PRKCB: variants seen among roughly 807,000 people sequenced by gnomAD.
PRKCB encodes protein kinase C beta type.
A neutral mutation model predicts 81.5 loss-of-function variants in PRKCB; 13 were observed. The ratio of observed to expected loss-of-function variants is 0.16; its 90% CI spans 0.10 to 0.25. The LOEUF is 0.25. Among genes scored for constraint, PRKCB ranks in the 10% least tolerant of loss-of-function variants. The probability of loss-of-function intolerance (pLI) is 1.00; values close to 1 mark genes in which losing one functional copy is unlikely to be tolerated. For synonymous variants in PRKCB, 335 were observed against 321.4 expected (o/e 1.04, Z -0.45); for missense variants, 509 against 875.7 (o/e 0.58, Z 5.29).
At chr16:23,867,009 C>T in intron 2 of PRKCB, among the ~76,000 whole-genome samples, 1 of 76,842 alleles carries the variant, frequency 1.3e-5, no homozygotes, top group Non-Finnish European at 2.7e-5. Context: ...TCCTTCCTTC[C>T]TTCCTTCCTT....
chr16:24,074,851 G>A (rs1966158555), intron 5 of PRKCB, among the ~76,000 whole-genome samples: 1 of 152,162 alleles, frequency 6.6e-6, no homozygotes, highest in African/African-American at 2.4e-5. Flanking sequence ...GCTTGGCCTG[G>A]TGGCTCACAC....
intron 2 of PRKCB, among the ~76,000 whole-genome samples, chr16:23,948,966 A>T (rs1964239687): frequency 6.6e-6 from 1 of 152,136 alleles, no homozygotes; most frequent in Non-Finnish European, 1.5e-5. Flanking sequence ...TGAGATCTAC[A>T]CCTGGGCTGG....
chr16:23,906,422 G>A (rs141006924), intron 2 of PRKCB, among the ~76,000 whole-genome samples: 1 of 152,130 alleles, frequency 6.6e-6, no homozygotes, highest in African/African-American at 2.4e-5. Flanking sequence ...CCTGGCATAT[G>A]TTTTATATAT....
At chr16:24,038,817 G>A (rs958190006) in intron 5 of PRKCB, among the ~76,000 whole-genome samples, 5 of 152,192 alleles carry the variant, frequency 3.3e-5, no homozygotes, top group Admixed American at 3.3e-4. Flanking sequence ...CCTGGTATCT[G>A]GTGGAATTTT....
chr16:23,867,374 G>A (rs553598650), intron 2 of PRKCB, among the ~76,000 whole-genome samples: 52 of 152,226 alleles, frequency 3.4e-4, no homozygotes, highest in South Asian at 2.5e-3. Context: ...CACCGGCCTC[G>A]GCCTCCCAAA....
intron 2 of PRKCB, among the ~76,000 whole-genome samples, chr16:23,843,943 T>C (rs904894778): frequency 6.6e-6 from 1 of 152,206 alleles, no homozygotes; most frequent in African/African-American, 2.4e-5. Flanking sequence ...TCTCTGTCTC[T>C]TTGTTTCCAT....
chr16:24,085,656 A>G (rs1206253539), intron 5 of PRKCB, among the ~76,000 whole-genome samples: 1 of 152,110 alleles, frequency 6.6e-6, no homozygotes, highest in Non-Finnish European at 1.5e-5. Flanking sequence ...GTGTAGGTTT[A>G]TGAGAATTTG....
chr16:23,871,447 GTC>G (rs897006416), intron 2 of PRKCB, among the ~76,000 whole-genome samples: 2 of 152,118 alleles, frequency 1.3e-5, no homozygotes, highest in African/African-American at 4.8e-5. Context: ...GTCCCCCTCT[GTC>G]TCTCTTCCCC....
intron 2 of PRKCB, among the ~76,000 whole-genome samples, chr16:23,968,332 A>G (rs1330030945): frequency 6.6e-6 from 1 of 152,184 alleles, no homozygotes; most frequent in Non-Finnish European, 1.5e-5. Flanking sequence ...CAAGGTTAAG[A>G]TTACAAATAA....
Position 24,220,156 on chromosome 16 carries a change from A to T in PRKCB, c.*5340A>T. 6.2e-7 allele frequency: 1 copy of T among 1,608,188 alleles called. No individual in the cohort carries two copies. The highest frequency in any genetic ancestry group is 8.5e-7 in the Non-Finnish European group (1 of 1,175,702). On this transcript the variant is annotated 3_prime_UTR_variant, in exon 17 of 17. Transcript: ENST00000643927. ...CGTTGAGCCTGGGGTGTAAGACTTC[A>T]AGCCAAGCGTATGTATCAATTCTAG...
At chr16:24,003,385 C>T (rs964088518) in intron 3 of PRKCB, among the ~76,000 whole-genome samples, 2 of 101,874 alleles carry the variant, frequency 2.0e-5, no homozygotes, top group East Asian at 2.7e-4. Context: ...TTCCTGCATT[C>T]GTTTTTTTTT....
At chr16:23,972,369 A>T (rs62029572) in intron 2 of PRKCB, among the ~76,000 whole-genome samples, 11,832 of 152,266 alleles carry the variant, frequency 0.078, 659 homozygotes, top group South Asian at 0.15. Flanking sequence ...TGCCTCATGA[A>T]GTTCAGGTAT....
chr16:24,094,591 C>T (rs1966416604), intron 7 of PRKCB, among the ~76,000 whole-genome samples: 3 of 152,182 alleles, frequency 2.0e-5, no homozygotes, highest in South Asian at 2.1e-4. Flanking sequence ...CATGGTGAAA[C>T]CCCATCTCTA....
intron 5 of PRKCB, among the ~76,000 whole-genome samples, chr16:24,084,021 A>G (rs1044987366): frequency 2.6e-5 from 4 of 152,184 alleles, no homozygotes; most frequent in African/African-American, 9.7e-5. Flanking sequence ...GTAATTTAAA[A>G]CAGTAGACTA....
chr16:23,990,302 C>CA (rs1446560815), intron 3 of PRKCB, among the ~76,000 whole-genome samples: 3 of 151,672 alleles, frequency 2.0e-5, no homozygotes, highest in Non-Finnish European at 4.4e-5. Flanking sequence ...ACTAAAAATA[C>CA]AAAAAATTAG....
intron 7 of PRKCB, chr16:24,098,799 C>A (rs1966471289): frequency 6.6e-6 from 1 of 152,076 alleles, no homozygotes; most frequent in African/African-American, 2.4e-5. Context: ...CTGGGGCTGA[C>A]CTGATGGTGA....
intron 12 of PRKCB, among the ~76,000 whole-genome samples, chr16:24,177,931 A>G (rs971181598): frequency 1.3e-5 from 2 of 152,134 alleles, no homozygotes; most frequent in African/African-American, 2.4e-5. Flanking sequence ...CACCATCGAG[A>G]ACGCTGATGG....
At chr16:24,210,956 G>A (rs940775797) in intron 16 of PRKCB, among the ~76,000 whole-genome samples, 9 of 152,170 alleles carry the variant, frequency 5.9e-5, no homozygotes, top group Non-Finnish European at 1.3e-4. Context: ...CACAGAGCCT[G>A]GCATGTAGTG....
At chr16:24,168,134 A>G (rs1434644569) in intron 10 of PRKCB, among the ~76,000 whole-genome samples, 1 of 152,200 alleles carries the variant, frequency 6.6e-6, no homozygotes, top group Non-Finnish European at 1.5e-5. Flanking sequence ...AATGCTTGTT[A>G]TATGGCCAGC....
Sources: gnomAD v4.1 joint callset for allele counts (sites outside exome capture counted in the v4.1 genomes callset) on GRCh38, gnomAD v4.1.1 for gene constraint, MANE v1.5 for transcripts, NCBI Gene and HGNC (gene_info 2026-07-23, HGNC 2026-07-21) for gene names.